ZSCAN5A: variants seen among roughly 807,000 people sequenced by gnomAD.
ZSCAN5A encodes zinc finger and SCAN domain containing 5A.
In ZSCAN5A, 12 loss-of-function variants were observed where a neutral mutation model predicts 23.7. The observed-to-expected ratio is 0.51, with a 90% CI of 0.32 to 0.82. The LOEUF is 0.82. Ranked by LOEUF, ZSCAN5A falls within the 40% of genes least tolerant of loss-of-function variation. The pLI is 0.03. For missense variants in ZSCAN5A, 597 were observed against 617.9 expected, an observed-to-expected ratio of 0.97 and a Z score of 0.36; for synonymous variants, 257 against 239.9, an observed-to-expected ratio of 1.07 and a Z score of -0.66.
intron 2 of ZSCAN5A, among the ~76,000 whole-genome samples, chr19:56,327,698 C>T (rs74339708): frequency 0.031 from 4,645 of 151,328 alleles, 221 homozygotes; most frequent in African/African-American, 0.1. Flanking sequence ...TATACAAATA[C>T]TATACAATAC....
chr19:56,281,705 C>G (rs2038719382), intron 2 of ZSCAN5A: 1 of 985,234 alleles, frequency 1.0e-6, no homozygotes. Flanking sequence ...AACTGTAAGT[C>G]ATATCTCCTT....
intron 2 of ZSCAN5A, chr19:56,322,335 T>C (rs1216450056): frequency 8.6e-6 from 7 of 813,704 alleles, no homozygotes; most frequent in Non-Finnish European, 1.5e-5. Context: ...GACTTCTCAT[T>C]GTCTGCCGCC....
chr19:56,244,657 G>A (rs1310336482), intron 2 of ZSCAN5A, among the ~76,000 whole-genome samples: 2 of 144,204 alleles, frequency 1.4e-5, no homozygotes, highest in Non-Finnish European at 3.0e-5. Context: ...AACCCACCAT[G>A]ACAAATAATC....
At chr19:56,265,140 T>A (rs981294557) in intron 2 of ZSCAN5A, among the ~76,000 whole-genome samples, 1 of 151,422 alleles carries the variant, frequency 6.6e-6, no homozygotes, top group African/African-American at 2.4e-5. Context: ...ATAAATAAAT[T>A]AAATAAATGC....
intron 2 of ZSCAN5A, among the ~76,000 whole-genome samples, chr19:56,293,707 C>T (rs902564849): frequency 2.0e-5 from 3 of 152,164 alleles, no homozygotes; most frequent in South Asian, 4.1e-4. Context: ...GGAGATTTCG[C>T]CCCTCAGGGG....
chr19:56,315,504 T>A (rs2041291948), upstream of ZSCAN5A: 1 of 152,200 alleles, frequency 6.6e-6, no homozygotes, highest in Non-Finnish European at 1.5e-5. Context: ...CGAGTCTCCA[T>A]GGTAACGGCC....
chr19:56,353,608 C>T (rs1402126627), intron 2 of ZSCAN5A, among the ~76,000 whole-genome samples: 4 of 151,306 alleles, frequency 2.6e-5, no homozygotes, highest in African/African-American at 9.8e-5. Context: ...GAAACCCCGT[C>T]TCTACTAAAA....
chr19:56,284,101 T>C, intron 2 of ZSCAN5A: 2 of 958,196 alleles, frequency 2.1e-6, no homozygotes, highest in Non-Finnish European at 2.5e-6. Flanking sequence ...GGTTTTCTAA[T>C]TATGGCTTCG....
intron 2 of ZSCAN5A, chr19:56,283,311 T>C (rs1227657640): frequency 6.6e-6 from 1 of 152,172 alleles, no homozygotes; most frequent in African/African-American, 2.4e-5. Flanking sequence ...TTACTAAATG[T>C]TACCTTGAGC....
intron 2 of ZSCAN5A, among the ~76,000 whole-genome samples, chr19:56,350,341 C>CTA (rs2041659941): frequency 1.3e-5 from 2 of 151,960 alleles, no homozygotes; most frequent in South Asian, 4.1e-4. Flanking sequence ...AATTCTTGTA[C>CTA]TAAAGGGAAA....
intron 2 of ZSCAN5A, among the ~76,000 whole-genome samples, chr19:56,267,834 G>A (rs1031102176): frequency 1.3e-5 from 2 of 152,160 alleles, no homozygotes; most frequent in East Asian, 1.9e-4. Flanking sequence ...AAGAGCATCT[G>A]GGATGTAGTC....
intron 2 of ZSCAN5A, among the ~76,000 whole-genome samples, chr19:56,325,584 G>C (rs2041424493): frequency 6.6e-6 from 1 of 152,030 alleles, no homozygotes; most frequent in Non-Finnish European, 1.5e-5. Context: ...AATGCATCCA[G>C]GTTTGTTGTT....
At chr19:56,353,267 C>G (rs1270764889) in intron 2 of ZSCAN5A, among the ~76,000 whole-genome samples, 1 of 152,046 alleles carries the variant, frequency 6.6e-6, no homozygotes, top group Non-Finnish European at 1.5e-5. Context: ...TACAGTGTAA[C>G]TAGAGAAAGA....
chr19:56,336,607 C>T (rs1274958342), intron 2 of ZSCAN5A, among the ~76,000 whole-genome samples: 1 of 152,222 alleles, frequency 6.6e-6, no homozygotes, highest in Non-Finnish European at 1.5e-5. Flanking sequence ...CTCCATCCAG[C>T]TTTGTTCCGT....
intron 2 of ZSCAN5A, among the ~76,000 whole-genome samples, chr19:56,362,441 C>T (rs372277267): frequency 1.2e-4 from 18 of 152,088 alleles, no homozygotes; most frequent in South Asian, 8.3e-4. Context: ...TGGAGGCATG[C>T]GCCTGTAATC....
chr19:56,278,939 C>T (rs1161270725), intron 2 of ZSCAN5A, among the ~76,000 whole-genome samples: 1 of 152,186 alleles, frequency 6.6e-6, no homozygotes. Context: ...TGGTGCTCAC[C>T]CACCGTGAGG....
In ZSCAN5A at chr19:56,221,869, G is replaced by C. The variant is rs1208689694; in HGVS notation, c.1197C>G (p.Leu399=). Residue 399 remains leucine (L), a synonymous_variant, in exon 6 of 6, where the codon CTC becomes CTG. Transcript: ENST00000683990. ...CAGTGTGGGTTCGCTGGTGAAATTG[G>C]AGGCTAATAAGCTGCATGAAGCGCT... ...CGKRFMQLIS[L]QFHQRTHTGE... 18 of 1,614,040 alleles carry C rather than the reference G, an allele frequency of 1.1e-5. No homozygotes were observed. The highest frequency in any genetic ancestry group is 2.5e-6 in the Non-Finnish European group (3 of 1,180,026).
At chr19:56,307,758 C>T (rs2040793406) in intron 2 of ZSCAN5A, among the ~76,000 whole-genome samples, 1 of 152,180 alleles carries the variant, frequency 6.6e-6, no homozygotes, top group Admixed American at 6.5e-5. Flanking sequence ...GTGTGGCTCT[C>T]CAGTGAATAA....
intron 2 of ZSCAN5A, among the ~76,000 whole-genome samples, chr19:56,362,100 G>C (rs528382862): frequency 5.4e-4 from 81 of 150,106 alleles, no homozygotes; most frequent in Middle Eastern, 3.2e-3. Flanking sequence ...GGAGCTTGCA[G>C]TGAGCCAAGA....
Sources: allele counts gnomAD v4.1 joint callset (sites outside exome capture counted in the v4.1 genomes callset), GRCh38; gene constraint gnomAD v4.1.1; transcripts MANE v1.5; gene names NCBI Gene and HGNC (gene_info 2026-07-23, HGNC 2026-07-21).